Variants in CTNNA3 observed in about 807,000 individuals in gnomAD.
CTNNA3 encodes the protein catenin alpha-3.
CTNNA3 carries 76 observed loss-of-function variants against 95.7 expected under a neutral mutation model. The ratio of observed to expected loss-of-function variants is 0.79; its 90% CI spans 0.66 to 0.96. CTNNA3 has a LOEUF of 0.96. Ranked by LOEUF, CTNNA3 falls within the 40% of genes least tolerant of loss-of-function variation. The pLI is 0.00. For synonymous variants in CTNNA3, 431 were observed against 374.4 expected (o/e 1.15, Z -1.74); for missense variants, 1,191 against 1,089.8 (o/e 1.09, Z -1.31).
intron 12 of CTNNA3, among the ~76,000 whole-genome samples, chr10:66,293,659 TTTTC>T (rs2091727247): frequency 7.0e-6 from 1 of 142,466 alleles, no homozygotes; most frequent in Non-Finnish European, 1.5e-5. Flanking sequence ...ATTTTTTCTT[TTTTC>T]TTTCTTTTTT....
chr10:67,014,545 C>A (rs1476579539), intron 7 of CTNNA3, among the ~76,000 whole-genome samples: 1 of 152,090 alleles, frequency 6.6e-6, no homozygotes, highest in African/African-American at 2.4e-5. Flanking sequence ...TTCCTATGAT[C>A]TCTTTTATTT....
At chr10:66,255,371 C>T (rs768065920) in intron 13 of CTNNA3, among the ~76,000 whole-genome samples, 1 of 152,146 alleles carries the variant, frequency 6.6e-6, no homozygotes, top group Admixed American at 6.5e-5. Context: ...ATCCTATTTG[C>T]CCTTGGGTTG....
intron 5 of CTNNA3, among the ~76,000 whole-genome samples, chr10:67,515,625 T>C (rs756164706): frequency 8.5e-5 from 13 of 152,212 alleles, no homozygotes; most frequent in Non-Finnish European, 1.3e-4. Flanking sequence ...TTATTTGATC[T>C]GGTAAATAAG....
chr10:66,361,323 C>G (rs2092672894), intron 12 of CTNNA3, among the ~76,000 whole-genome samples: 1 of 140,708 alleles, frequency 7.1e-6, no homozygotes, highest in African/African-American at 2.6e-5. Context: ...CGCCCCTCCC[C>G]TTCCTCCCTC....
chr10:66,837,875 C>A (rs1003422074), intron 7 of CTNNA3, among the ~76,000 whole-genome samples: 2 of 152,090 alleles, frequency 1.3e-5, no homozygotes, highest in Non-Finnish European at 2.9e-5. Context: ...CTATAAATAT[C>A]CCTAATTCTC....
intron 5 of CTNNA3, among the ~76,000 whole-genome samples, chr10:67,434,310 G>C (rs76631984): frequency 0.059 from 8,989 of 151,960 alleles, 361 homozygotes; most frequent in Non-Finnish European, 0.096. Flanking sequence ...TATCTTGTAA[G>C]GTTGTCATTA....
At chr10:65,984,517 T>C (rs766371311) in intron 16 of CTNNA3, among the ~76,000 whole-genome samples, 22 of 151,402 alleles carry the variant, frequency 1.5e-4, no homozygotes, top group Non-Finnish European at 3.1e-4. Flanking sequence ...TGACTACTTC[T>C]CTAAGCTTCT....
At chr10:66,946,850 T>A (rs543620770) in intron 7 of CTNNA3, among the ~76,000 whole-genome samples, 258 of 152,272 alleles carry the variant, frequency 1.7e-3, no homozygotes, top group South Asian at 4.8e-3. Context: ...TTGATAAACT[T>A]CTTTTTTCAT....
intron 7 of CTNNA3, among the ~76,000 whole-genome samples, chr10:66,957,187 C>A (rs1848835809): frequency 6.6e-6 from 1 of 151,854 alleles, no homozygotes; most frequent in South Asian, 2.1e-4. Context: ...ATAGGACCAA[C>A]TTTATCAAAG....
intron 3 of CTNNA3, among the ~76,000 whole-genome samples, chr10:67,556,787 C>T: frequency 6.6e-6 from 1 of 151,952 alleles, no homozygotes; most frequent in East Asian, 1.9e-4. Context: ...TATTTCTTGC[C>T]TTCTGCTAGC....
At chr10:66,408,468 G>A (rs1449493535) in intron 11 of CTNNA3, among the ~76,000 whole-genome samples, 1 of 152,038 alleles carries the variant, frequency 6.6e-6, no homozygotes, top group Non-Finnish European at 1.5e-5. Flanking sequence ...GGCACACAAG[G>A]TCTTGTTAAA....
chr10:67,091,498 A>G (rs563564732), intron 7 of CTNNA3, among the ~76,000 whole-genome samples: 313 of 152,150 alleles, frequency 2.1e-3, no homozygotes, highest in Middle Eastern at 3.4e-3. Context: ...CCCCCAAAAA[A>G]AGGAAAACAA....
chr10:66,902,416 C>A lies in CTNNA3; in HGVS notation c.1048-126892G>T, dbSNP rs144963105. On this transcript the variant is annotated intron_variant, in intron 7 of 17. Coordinates refer to ENST00000433211, the MANE Select transcript of CTNNA3 (RefSeq NM_013266.4). ...GGAAATTTATAGCACTAAATGCCCACAAGAGAAAGCAAGAAAGATACAAAA... is the reference window on the plus strand; with the variant it reads ...GGAAATTTATAGCACTAAATGCCCAAAAGAGAAAGCAAGAAAGATACAAAA... Among the ~76,000 whole-genome samples, 540 of 152,206 alleles carry A rather than the reference C, an allele frequency of 3.5e-3. 2 individuals are homozygous for A. The highest frequency in any genetic ancestry group is 0.012 in the African/African-American group (512 of 41,532).
chr10:66,103,410 C>G (rs2081734820), intron 13 of CTNNA3, among the ~76,000 whole-genome samples, 161 bp from the exon 14 acceptor site: 1 of 152,164 alleles, frequency 6.6e-6, no homozygotes, highest in Admixed American at 6.5e-5. Context: ...CATATGTCCA[C>G]ACAAATACGT....
chr10:66,529,015 A>G (rs552874981), intron 10 of CTNNA3, among the ~76,000 whole-genome samples: 4 of 152,254 alleles, frequency 2.6e-5, no homozygotes, highest in East Asian at 3.9e-4. Context: ...TAAAATTAGT[A>G]TCTAGTTGGT....
chr10:66,818,161 A>C (rs1842162464), intron 7 of CTNNA3, among the ~76,000 whole-genome samples: 2 of 152,104 alleles, frequency 1.3e-5, no homozygotes, highest in Admixed American at 6.6e-5. Context: ...TATCTACAAA[A>C]ACCTCACAAC....
intron 7 of CTNNA3, among the ~76,000 whole-genome samples, chr10:66,807,954 T>C (rs2132254576): frequency 6.6e-6 from 1 of 152,256 alleles, no homozygotes; most frequent in South Asian, 2.1e-4. Flanking sequence ...CTCACCACTC[T>C]TGCTTGCTTG....
In CTNNA3 at chr10:66,816,713, T is replaced by C. The variant is rs1035603910; in HGVS notation, c.1048-41189A>G. 2.6e-5 allele frequency among the ~76,000 whole-genome samples: 4 copies of C among 152,150 alleles called. No individual in the cohort carries two copies. The East Asian group carries it at 7.7e-4, about 29-fold the overall frequency. The stretch of plus-strand genomic sequence containing the variant: ...TTTATAGAACACTCCATCTAAAAAT[T>C]GCAGATTGTACATTCTTCCCAAATT... On this transcript the variant is annotated intron_variant, in intron 7 of 17. Coordinates refer to ENST00000433211, the MANE Select transcript of CTNNA3 (RefSeq NM_013266.4).
chr10:67,190,439 G>A (rs1178532288), intron 6 of CTNNA3, among the ~76,000 whole-genome samples: 2 of 151,788 alleles, frequency 1.3e-5, no homozygotes, highest in African/African-American at 4.8e-5. Context: ...TATTTTGGGG[G>A]GAGGATGAGA....
Sources: allele counts gnomAD v4.1 joint callset (sites outside exome capture counted in the v4.1 genomes callset), GRCh38; gene constraint gnomAD v4.1.1; transcripts MANE v1.5; gene names NCBI Gene and HGNC (gene_info 2026-07-23, HGNC 2026-07-21).